The following LRGUK variants were observed in gnomAD, a reference collection of about 807,000 sequenced individuals.
The protein encoded by LRGUK is leucine rich repeats and guanylate kinase domain containing.
LRGUK carries 65 observed loss-of-function variants against 76.0 expected under a neutral mutation model. The observed-to-expected ratio is 0.85, with a 90% CI of 0.70 to 1.05. The LOEUF (loss-of-function observed/expected upper bound fraction) is 1.05, where lower values mean the gene tolerates loss of function less well. Among genes scored for constraint, LRGUK ranks in the 50% least tolerant of loss-of-function variants. LRGUK has a pLI of 0.00. For missense variants in LRGUK, 758 were observed against 732.8 expected, an observed-to-expected ratio of 1.03 and a Z score of -0.40; for synonymous variants, 268 against 265.6, an observed-to-expected ratio of 1.01 and a Z score of -0.09.
chr7:134,270,663 C>T, the LRGUK span, among the ~76,000 whole-genome samples: 1 of 152,030 alleles, frequency 6.6e-6, no homozygotes, highest in East Asian at 1.9e-4. Flanking sequence ...ACTTTTTTCT[C>T]AACATTATGT....
intron 16 of LRGUK, among the ~76,000 whole-genome samples, chr7:134,247,116 G>A (rs1288916111): frequency 6.6e-6 from 1 of 152,048 alleles, no homozygotes; most frequent in African/African-American, 2.4e-5. Context: ...GAGAAAGACC[G>A]CCCCCATAAA....
chr7:134,194,294 T>A (rs1052733116), intron 12 of LRGUK, among the ~76,000 whole-genome samples: 41 of 152,262 alleles, frequency 2.7e-4, no homozygotes, highest in African/African-American at 9.4e-4. Flanking sequence ...AATGTTTTTT[T>A]TAATTATCCA....
intron 1 of LRGUK, among the ~76,000 whole-genome samples, chr7:134,134,584 G>C (rs551723128): frequency 1.3e-5 from 2 of 152,266 alleles, no homozygotes; most frequent in African/African-American, 4.8e-5. Flanking sequence ...CATGTCAATG[G>C]CTAAGTTGAA....
intron 19 of LRGUK, among the ~76,000 whole-genome samples, chr7:134,263,623 C>CT (rs59840547): frequency 0.034 from 3,898 of 113,946 alleles, 134 homozygotes; most frequent in African/African-American, 0.089. Context: ...TCATTTCTTT[C>CT]TTTTTTTTTT....
At chr7:134,139,073 AT>A (rs1797652197) in intron 2 of LRGUK, among the ~76,000 whole-genome samples, 1 of 151,848 alleles carries the variant, frequency 6.6e-6, no homozygotes, top group South Asian at 2.1e-4. Context: ...AATTCTAGAC[AT>A]TTTTTTCTTC....
chr7:134,185,017 G>C (rs894189470), intron 11 of LRGUK, among the ~76,000 whole-genome samples: 4 of 152,226 alleles, frequency 2.6e-5, no homozygotes, highest in African/African-American at 9.7e-5. Flanking sequence ...GTCTCTGACA[G>C]GTCTTCCTCT....
chr7:134,266,659 C>T (rs1802861130), downstream of LRGUK, among the ~76,000 whole-genome samples: 1 of 152,044 alleles, frequency 6.6e-6, no homozygotes, highest in South Asian at 2.1e-4. Flanking sequence ...ATGTGTAGGA[C>T]TATGTGAAAA....
intron 7 of LRGUK, among the ~76,000 whole-genome samples, chr7:134,170,223 T>C (rs1799184339): frequency 6.6e-6 from 1 of 152,098 alleles, no homozygotes; most frequent in East Asian, 1.9e-4. Context: ...GTTGTACTCA[T>C]TGTACTTTTG....
intron 16 of LRGUK, among the ~76,000 whole-genome samples, chr7:134,232,440 G>C (rs984288123): frequency 2.0e-5 from 3 of 152,024 alleles, no homozygotes; most frequent in Non-Finnish European, 4.4e-5. Context: ...CACCACACTT[G>C]GCTAATTTTT....
intron 2 of LRGUK, among the ~76,000 whole-genome samples, chr7:134,138,479 C>T (rs1333741973): frequency 6.6e-6 from 1 of 151,860 alleles, no homozygotes; most frequent in Non-Finnish European, 1.5e-5. Flanking sequence ...TACATATCTT[C>T]TCTCCTACCA....
chr7:134,206,552 G>T (rs914526881), intron 15 of LRGUK, among the ~76,000 whole-genome samples: 1 of 150,348 alleles, frequency 6.7e-6, no homozygotes, highest in Non-Finnish European at 1.5e-5. Context: ...TATAATATAT[G>T]TATGTGTATA....
At chr7:134,133,056 C>T (rs1728858195) in intron 1 of LRGUK, among the ~76,000 whole-genome samples, 1 of 152,118 alleles carries the variant, frequency 6.6e-6, no homozygotes, top group South Asian at 2.1e-4. Context: ...ACAGGGACTC[C>T]AGGATGCAGA....
chr7:134,193,008 G>C (rs1167843925), intron 12 of LRGUK, among the ~76,000 whole-genome samples: 2 of 152,036 alleles, frequency 1.3e-5, no homozygotes, highest in Non-Finnish European at 2.9e-5. Flanking sequence ...CAAAATCATG[G>C]AACATTTCAG....
chr7:134,216,506 G>A (rs558141963), intron 15 of LRGUK, among the ~76,000 whole-genome samples: 55 of 152,240 alleles, frequency 3.6e-4, no homozygotes, highest in Non-Finnish European at 6.6e-4. Context: ...CATCAATTCT[G>A]AGATTATTAT....
intron 13 of LRGUK, among the ~76,000 whole-genome samples, chr7:134,197,839 A>G (rs1800570360): frequency 6.6e-6 from 1 of 152,194 alleles, no homozygotes. Flanking sequence ...GCTTTATTAC[A>G]TACTTGGAAC....
chr7:134,157,182 T>C (rs1446634142), intron 5 of LRGUK, among the ~76,000 whole-genome samples: 4 of 152,300 alleles, frequency 2.6e-5, no homozygotes, highest in Admixed American at 1.3e-4. Flanking sequence ...GATTTTATGA[T>C]TGAATGATTT....
intron 8 of LRGUK, among the ~76,000 whole-genome samples, chr7:134,175,913 T>A (rs1022278858): frequency 5.9e-5 from 9 of 152,096 alleles, no homozygotes; most frequent in African/African-American, 1.9e-4. Flanking sequence ...ATAATACAAA[T>A]TAATACGAAA....
chr7:134,192,415 C>T (rs1800294663), intron 12 of LRGUK, among the ~76,000 whole-genome samples: 1 of 152,204 alleles, frequency 6.6e-6, no homozygotes, highest in African/African-American at 2.4e-5. Context: ...AATTACCATG[C>T]ATTAGTCTAT....
chr7:134,159,560 G>A (rs1585462073), intron 6 of LRGUK, among the ~76,000 whole-genome samples: 1 of 152,244 alleles, frequency 6.6e-6, no homozygotes, highest in East Asian at 1.9e-4. Flanking sequence ...GGAGGCTAAG[G>A]CGGGTGGATC....
Sources: allele counts gnomAD v4.1 joint callset (sites outside exome capture counted in the v4.1 genomes callset), GRCh38; gene constraint gnomAD v4.1.1; transcripts MANE v1.5; gene names NCBI Gene and HGNC (gene_info 2026-07-23, HGNC 2026-07-21).